INTS6: variants seen among roughly 807,000 people sequenced by gnomAD.
The protein encoded by INTS6 is DEAD box protein.
In INTS6, 16 loss-of-function variants were observed where a neutral mutation model predicts 104.9. The observed-to-expected ratio is 0.15, with a 90% CI of 0.10 to 0.23. INTS6 has a LOEUF of 0.23. Among genes scored for constraint, INTS6 ranks in the 10% least tolerant of loss-of-function variants. The pLI is 1.00. For synonymous variants in INTS6, 324 were observed against 358.7 expected (o/e 0.90, Z 1.09); for missense variants, 584 against 1,062.8 (o/e 0.55, Z 6.26).
intron 4 of INTS6, among the ~76,000 whole-genome samples, chr13:51,425,888 C>T (rs977917993): frequency 6.6e-5 from 10 of 151,894 alleles, no homozygotes; most frequent in African/African-American, 1.5e-4. Flanking sequence ...ATAGTTTTAT[C>T]GTGTTTCAGA....
chr13:51,396,043 A>G (rs756148569), intron 4 of INTS6, among the ~76,000 whole-genome samples: 2 of 151,954 alleles, frequency 1.3e-5, no homozygotes, highest in Non-Finnish European at 2.9e-5. Flanking sequence ...GGTGACCCAC[A>G]CGCCTCGGCC....
chr13:51,369,269 C>T lies in INTS6; in HGVS notation c.2146G>A (p.Glu716Lys). Residue 716 changes from glutamate (E) to lysine (K), a missense_variant, in exon 16 of 18, where the codon GAA becomes AAA. Glu to Lys is a moderately conservative substitution (Grantham distance 56). This residue lies in a region of INTS6 where 296 missense variants were observed against 437.0 expected (regional missense o/e 0.68). Coordinates refer to ENST00000311234, the MANE Select transcript of INTS6 (RefSeq NM_012141.3). ...GAAAGTTGGTCTGCAACATGATTTT[C>T]AACCACATCATGTATTATCGAATCA... ...TNDSIIHDVVENHVADQLSSD... is the reference protein window; with the variant it reads ...TNDSIIHDVVKNHVADQLSSD... 2 of 1,613,204 alleles carry T rather than the reference C, an allele frequency of 1.2e-6. No individual in the cohort carries two copies.
intron 4 of INTS6, among the ~76,000 whole-genome samples, chr13:51,401,677 A>G (rs1956444128): frequency 6.6e-6 from 1 of 152,136 alleles, no homozygotes; most frequent in Non-Finnish European, 1.5e-5. Context: ...CACAAAATAA[A>G]CATATGAGAT....
intron 4 of INTS6, among the ~76,000 whole-genome samples, chr13:51,408,824 A>G (rs1463914751): frequency 6.6e-6 from 1 of 152,220 alleles, no homozygotes; most frequent in Non-Finnish European, 1.5e-5. Context: ...TGCTTTAATC[A>G]TCTTATTTAA....
At position 51,363,284 on chromosome 13, in the gene INTS6, A is replaced by G. The variant is rs1955618803; in HGVS notation, c.*2468T>C. 1 of 151,922 alleles carries G rather than the reference A, an allele frequency of 6.6e-6. No individual in the cohort carries two copies. The highest frequency in any genetic ancestry group is 2.4e-5 in the African/African-American group (1 of 41,400). 9.4% of individuals were successfully genotyped at this position (151,922 alleles called of 1,614,324 possible). A position where few individuals can be genotyped will look rare whatever the true frequency, so the allele number is the denominator to read the frequency against. On this transcript the variant is annotated 3_prime_UTR_variant, in exon 18 of 18. Coordinates refer to ENST00000311234, the MANE Select transcript of INTS6 (RefSeq NM_012141.3). ...TAATCAGAATGAAAATATAAGGATA[A>G]TCCAAAACCAGTTCCACAATCCACT...
At chr13:51,375,734 G>GGTGTGTGTGTGTGTGTGTGTGT (rs71684515) in intron 13 of INTS6, among the ~76,000 whole-genome samples, 3 of 147,560 alleles carry the variant, frequency 2.0e-5, no homozygotes, top group African/African-American at 7.3e-5. Flanking sequence ...TTGATAAGTG[G>GGTGTGTGTGTGTGTGTGTGTGT]GTGTGTGTGT....
chr13:51,344,541 G>T, the INTS6 span: 4 of 1,385,432 alleles, frequency 2.9e-6, no homozygotes, highest in South Asian at 5.0e-5. Flanking sequence ...CAGAGACAGA[G>T]TCTCACCCAT....
At chr13:51,432,536 T>C (rs75031777) in intron 3 of INTS6, among the ~76,000 whole-genome samples, 1 of 152,292 alleles carries the variant, frequency 6.6e-6, no homozygotes, top group East Asian at 1.9e-4. Context: ...ATATGTCATA[T>C]TTCTTTCCAC....
downstream of INTS6, among the ~76,000 whole-genome samples, chr13:51,351,150 T>G (rs1442759211): frequency 6.6e-6 from 1 of 152,194 alleles, no homozygotes; most frequent in Admixed American, 6.5e-5. Context: ...TTTTCAATTA[T>G]CTTGGATATA....
In INTS6 at chr13:51,387,388, G is replaced by T. The variant is rs1369191578; in HGVS notation, c.892C>A (p.Leu298Ile). The T allele has an allele frequency of 1.9e-6, 3 of 1,610,134 alleles. No individual in the cohort carries two copies. Among genetic ancestry groups the T allele is most frequent in the Non-Finnish European group, 2.5e-6 (3 of 1,177,984 alleles). Residue 298 changes from leucine to isoleucine, a missense_variant and splice_region_variant, in exon 7 of 18, where the codon CTA becomes ATA. Leu to Ile is a conservative substitution (Grantham distance 5). Transcript: ENST00000311234. ...SFWPDQNSPT[L>I]PPRTSHPVVK... ...TAGTTACAGTCTCTGGTACTTACTA[G>T]TGTTGGCGAATTTTGATCTGGCCAA...
chr13:51,355,714 A>G (rs1345095108), intron 3 of INTS6, among the ~76,000 whole-genome samples: 1 of 152,326 alleles, frequency 6.6e-6, no homozygotes, highest in East Asian at 1.9e-4. Flanking sequence ...ACCAATCAAT[A>G]GGTGCTGTTT....
Position 51,364,312 on chromosome 13 carries a change from T to A in INTS6, c.*1440A>T. The A allele has an allele frequency of 7.6e-7, 1 of 1,321,226 alleles. No homozygotes were observed. Among genetic ancestry groups the A allele is most frequent in the Non-Finnish European group, 1.0e-6 (1 of 968,294 alleles). 81.8% of individuals were successfully genotyped at this position (1,321,226 alleles called of 1,614,324 possible). ...ATGTTCTCCACTTTCATCAATGCTT[T>A]TCTTCATAAAGTTATAATTTCATTT... On this transcript the variant is annotated 3_prime_UTR_variant, in exon 18 of 18. Transcript: ENST00000311234.
the INTS6 span, among the ~76,000 whole-genome samples, chr13:51,335,101 T>C: frequency 6.6e-6 from 1 of 151,978 alleles, no homozygotes; most frequent in Non-Finnish European, 1.5e-5. Flanking sequence ...GTGTATCCAG[T>C]GATCTAACAC....
rs1014187339 is a variant in INTS6, at chr13:51,374,570, C to T, written c.1872+84G>A. 5.2e-6 allele frequency: 8 copies of T among 1,544,680 alleles called. No homozygotes were observed. The South Asian group carries it at 7.0e-5, about 14-fold the overall frequency. ...AGATACTCTACCAGGAAAATAGCTT[C>T]AGCTTACTTCAGTTAAATTAAGAAC... On this transcript the variant is annotated intron_variant, in intron 14 of 17. Transcript: ENST00000311234.
chr13:51,409,639 GTAT>G (rs1306095671), intron 4 of INTS6, among the ~76,000 whole-genome samples: 9 of 151,568 alleles, frequency 5.9e-5, no homozygotes, highest in Non-Finnish European at 1.3e-4. Context: ...ATCATAGGTA[GTAT>G]TTTTTTTAAT....
At chr13:51,404,063 T>C (rs866958762) in intron 4 of INTS6, among the ~76,000 whole-genome samples, 4 of 109,644 alleles carry the variant, frequency 3.6e-5, no homozygotes, top group Admixed American at 9.6e-5. Context: ...TCTCTACAAA[T>C]ACACACACAC....
At chr13:51,375,053 T>C (rs1416678805) in intron 13 of INTS6, among the ~76,000 whole-genome samples, 3 of 152,084 alleles carry the variant, frequency 2.0e-5, no homozygotes, top group East Asian at 3.9e-4. Flanking sequence ...ATTCCACACA[T>C]ACAGAAAGTA....
intron 7 of INTS6, 89 bp downstream of exon 7, chr13:51,387,297 T>G: frequency 8.1e-7 from 1 of 1,233,162 alleles, no homozygotes. Flanking sequence ...TCCCCATAAA[T>G]TAATCACAGC....
chr13:51,349,405 T>C (rs1287573514), downstream of INTS6, among the ~76,000 whole-genome samples: 1 of 152,154 alleles, frequency 6.6e-6, no homozygotes, highest in Admixed American at 6.5e-5. Flanking sequence ...AAACTAAATA[T>C]TTGGACCCCA....
Sources: allele counts gnomAD v4.1 joint callset (sites outside exome capture counted in the v4.1 genomes callset), GRCh38; gene constraint gnomAD v4.1.1; regional missense constraint gnomAD v4.1.1; transcripts MANE v1.5; gene names NCBI Gene and HGNC (gene_info 2026-07-23, HGNC 2026-07-21).